The following FAM135B variants were observed in gnomAD, a reference collection of about 807,000 sequenced individuals.
FAM135B encodes the protein protein FAM135B.
FAM135B carries 43 observed loss-of-function variants against 127.7 expected under a neutral mutation model. The observed-to-expected ratio is 0.34, with a 90% confidence interval of 0.26 to 0.43. FAM135B has a LOEUF of 0.43. FAM135B is among the 20% of genes least tolerant of loss of function. FAM135B has a pLI of 1.00. For missense variants in FAM135B, 1,558 were observed against 1,725.6 expected (o/e 0.90, Z 1.72); for synonymous variants, 670 against 665.1 (o/e 1.01, Z -0.11).
intron 1 of FAM135B, among the ~76,000 whole-genome samples, chr8:138,443,469 C>CA (rs899923293): frequency 2.0e-4 from 30 of 151,344 alleles, no homozygotes; most frequent in Admixed American, 5.3e-4. Flanking sequence ...CAAAAGCAAA[C>CA]AAAAAAAAGG....
chr8:138,462,374 A>G (rs1837175739), intron 1 of FAM135B, among the ~76,000 whole-genome samples: 1 of 152,114 alleles, frequency 6.6e-6, no homozygotes, highest in Non-Finnish European at 1.5e-5. Context: ...AAGTTCTTTC[A>G]AGGATTCATG....
chr8:138,140,078 A>AT (rs1469135271), intron 17 of FAM135B, among the ~76,000 whole-genome samples: 12 of 152,226 alleles, frequency 7.9e-5, no homozygotes, highest in Non-Finnish European at 1.6e-4. Flanking sequence ...TGGGGGAAAA[A>AT]TGTAGTTTAA....
chr8:138,425,986 T>C (rs907903729), intron 1 of FAM135B, among the ~76,000 whole-genome samples: 16 of 14,902 alleles, frequency 1.1e-3, no homozygotes, highest in African/African-American at 7.2e-3. Context: ...TATATATATA[T>C]ATATATATAT....
intron 3 of FAM135B, among the ~76,000 whole-genome samples, chr8:138,268,113 C>T (rs1233253463): frequency 6.6e-6 from 1 of 152,148 alleles, no homozygotes. Context: ...GACATCACCT[C>T]TTGTAACAGC....
chr8:138,307,984 T>C (rs1403812979), intron 3 of FAM135B, among the ~76,000 whole-genome samples: 1 of 152,134 alleles, frequency 6.6e-6, no homozygotes, highest in African/African-American at 2.4e-5. Flanking sequence ...CTGCCAGAGT[T>C]TCCTCCCATC....
At chr8:138,492,448 T>C (rs1815240771) in intron 1 of FAM135B, among the ~76,000 whole-genome samples, 1 of 152,146 alleles carries the variant, frequency 6.6e-6, no homozygotes, top group Non-Finnish European at 1.5e-5. Flanking sequence ...TAAGAGGCCA[T>C]AAAATCTTTG....
intron 1 of FAM135B, among the ~76,000 whole-genome samples, chr8:138,488,839 G>T (rs189121082): frequency 6.6e-6 from 1 of 152,008 alleles, no homozygotes; most frequent in African/African-American, 2.4e-5. Flanking sequence ...GCTAATTTTC[G>T]TATTTTTTGT....
chr8:138,463,605 A>C (rs1295518678), intron 1 of FAM135B, among the ~76,000 whole-genome samples: 1 of 152,162 alleles, frequency 6.6e-6, no homozygotes, highest in African/African-American at 2.4e-5. Flanking sequence ...GGTGAACGTA[A>C]AGCGCTCCAC....
At chr8:138,268,410 G>A (rs904683034) in intron 3 of FAM135B, among the ~76,000 whole-genome samples, 2 of 152,140 alleles carry the variant, frequency 1.3e-5, no homozygotes, top group Non-Finnish European at 2.9e-5. Context: ...ACCAAATCCC[G>A]AGGTGACCCA....
chr8:138,165,795 T>G (rs1174194137), intron 12 of FAM135B, among the ~76,000 whole-genome samples: 1 of 152,202 alleles, frequency 6.6e-6, no homozygotes, highest in Non-Finnish European at 1.5e-5. Context: ...TTAAACTTGT[T>G]TTGACCAGTT....
chr8:138,291,044 C>T (rs927521226), intron 3 of FAM135B, among the ~76,000 whole-genome samples: 30 of 152,124 alleles, frequency 2.0e-4, no homozygotes, highest in African/African-American at 7.0e-4. Context: ...TCTGCATCTC[C>T]ATACCCTGGC....
At chr8:138,267,656 G>A (rs1429463045) in intron 3 of FAM135B, among the ~76,000 whole-genome samples, 1 of 151,204 alleles carries the variant, frequency 6.6e-6, no homozygotes, top group African/African-American at 2.4e-5. Flanking sequence ...AGAGTTCTTT[G>A]AAACAGGGAC....
At chr8:138,494,058 A>C (rs1420657879) in intron 1 of FAM135B, among the ~76,000 whole-genome samples, 1 of 123,072 alleles carries the variant, frequency 8.1e-6, no homozygotes, top group Non-Finnish European at 1.6e-5. Flanking sequence ...GCCATTCAAC[A>C]CCAGATTTCA....
intron 1 of FAM135B, among the ~76,000 whole-genome samples, chr8:138,385,025 G>A (rs371280468): frequency 1.3e-5 from 2 of 152,214 alleles, no homozygotes; most frequent in East Asian, 3.9e-4. Context: ...CAGCTCTCCT[G>A]TGGATAACCC....
chr8:138,303,079 T>A (rs1826001839), intron 3 of FAM135B, among the ~76,000 whole-genome samples: 1 of 152,174 alleles, frequency 6.6e-6, no homozygotes. Flanking sequence ...GCAATCCCAT[T>A]ACTGGGTGTA....
rs189541441 is a variant in FAM135B at position 138,160,731 on chromosome 8, G to A, written c.1258+7164C>T. On this transcript the variant is annotated intron_variant, in intron 12 of 19. Coordinates refer to ENST00000395297, the MANE Select transcript of FAM135B (RefSeq NM_015912.4). ...GATATTTAAAGGTCAAGTTCATCAAGGATTGTGCCCTTAGATGGTGAAGTT... is the reference window on the plus strand; with the variant it reads ...GATATTTAAAGGTCAAGTTCATCAAAGATTGTGCCCTTAGATGGTGAAGTT... 1.1e-4 allele frequency among the ~76,000 whole-genome samples: 17 copies of A among 152,164 alleles called. No homozygotes were observed. The East Asian group carries it at 2.1e-3, about 19-fold the overall frequency.
chr8:138,179,748 C>T (rs1309042403), intron 9 of FAM135B, among the ~76,000 whole-genome samples: 1 of 152,134 alleles, frequency 6.6e-6, no homozygotes, highest in African/African-American at 2.4e-5. Context: ...GGCTGGAGTG[C>T]AGTGGTGTGA....
intron 2 of FAM135B, among the ~76,000 whole-genome samples, chr8:138,314,227 A>G (rs1439432347): frequency 6.6e-6 from 1 of 152,188 alleles, no homozygotes; most frequent in Non-Finnish European, 1.5e-5. Flanking sequence ...CACATAAAAC[A>G]AGATTATTTA....
chr8:138,456,128 C>T (rs182451986), intron 1 of FAM135B, among the ~76,000 whole-genome samples: 454 of 152,322 alleles, frequency 3.0e-3, no homozygotes, highest in Non-Finnish European at 4.7e-3. Flanking sequence ...TGGCAGCCCA[C>T]AGGGATTCAA....
Sources: allele counts gnomAD v4.1 joint callset (sites outside exome capture counted in the v4.1 genomes callset), GRCh38; gene constraint gnomAD v4.1.1; transcripts MANE v1.5; gene names NCBI Gene and HGNC (gene_info 2026-07-23, HGNC 2026-07-21).